NBPF9: variants seen among roughly 807,000 people sequenced by gnomAD.
The protein encoded by NBPF9 is NBPF family member NBPF9.
A neutral mutation model predicts 97.8 loss-of-function variants in NBPF9; 91 were observed. The ratio of observed to expected loss-of-function variants is 0.93; its 90% CI spans 0.79 to 1.11. The LOEUF (loss-of-function observed/expected upper bound fraction) is 1.11, where lower values mean the gene tolerates loss of function less well. NBPF9 is among the 50% of genes least tolerant of loss of function. The pLI is 0.00. For missense variants in NBPF9, 992 were observed against 939.5 expected (o/e 1.06, Z -0.73); for synonymous variants, 334 against 359.5 (o/e 0.93, Z 0.80).
intron 4 of NBPF9, among the ~76,000 whole-genome samples, chr1:149,098,023 G>A (rs1199453288): frequency 6.6e-5 from 10 of 152,020 alleles, no homozygotes; most frequent in Non-Finnish European, 1.3e-4. Context: ...GCCTTAGCCT[G>A]GGGGATGCAG....
chr1:149,059,467 G>A lies in NBPF9; in HGVS notation c.2585+233C>T, dbSNP rs1157880944. The A allele has an allele frequency of 5.0e-6, 2 of 400,628 alleles. 1 individual carries two copies. Among genetic ancestry groups the A allele is most frequent in the Non-Finnish European group, 9.0e-6 (2 of 222,644 alleles). The allele number at this position is 400,628 out of a possible 1,614,324, so 24.8% of individuals were successfully genotyped here. On this transcript the variant is annotated intron_variant, in intron 25 of 29. Transcript: ENST00000584027. Reference sequence around the variant, plus strand: ...AAATATGCTCAAAATTCGATGCAGTGGCCATGAAAGTACAGCTTTTGAAGT... The same window carrying A: ...AAATATGCTCAAAATTCGATGCAGTAGCCATGAAAGTACAGCTTTTGAAGT...
At chr1:149,064,944 A>C (rs1252219832) in intron 18 of NBPF9, 1 of 533,406 alleles carries the variant, frequency 1.9e-6, no homozygotes, top group Non-Finnish European at 3.3e-6. Context: ...AGCATCAGCT[A>C]TTATGGCTTT....
chr1:149,089,257 G>T lies in NBPF9; in HGVS notation c.-195+1496C>A, dbSNP rs587764744. Among the ~76,000 whole-genome samples, 11 of 152,234 alleles carry T rather than the reference G, an allele frequency of 7.2e-5. No individual in the cohort carries two copies. In the South Asian group the frequency reaches 2.3e-3, roughly 32 times the overall value. ...ATGCATTTCTTAATGCCTTGGTGAG[G>T]AGAATGCCTCTGGGTCTTCCTTGAT... On this transcript the variant is annotated intron_variant, in intron 5 of 29. Transcript: ENST00000584027.
At chr1:149,058,635 C>G (rs782437841) in intron 26 of NBPF9, 1 of 282,978 alleles carries the variant, frequency 3.5e-6, no homozygotes. Flanking sequence ...CCCTTGAGTC[C>G]AAATCATACT....
chr1:149,075,183 C>G (rs587738445), intron 12 of NBPF9, among the ~76,000 whole-genome samples: 5 of 151,862 alleles, frequency 3.3e-5, no homozygotes, highest in Admixed American at 6.6e-5. Context: ...TCTTGAAGCC[C>G]CTCAGAGCAG....
intron 5 of NBPF9, chr1:149,090,547 T>A: frequency 2.0e-6 from 1 of 500,664 alleles, no homozygotes; most frequent in African/African-American, 1.9e-5. Context: ...AATTTAAGCC[T>A]AATGCAATAA....
intron 12 of NBPF9, 100 bp downstream of exon 12, chr1:149,075,555 G>A (rs2079787329): frequency 7.1e-7 from 1 of 1,406,664 alleles, no homozygotes; most frequent in Non-Finnish European, 1.0e-6. Flanking sequence ...AGAAGTATGG[G>A]GAGGATGACA....
downstream of NBPF9, among the ~76,000 whole-genome samples, chr1:149,052,238 T>C (rs868936215): frequency 3.3e-5 from 5 of 152,022 alleles, no homozygotes; most frequent in South Asian, 8.3e-4. Context: ...AAGAAAACAT[T>C]GATAAATTCG....
At position 149,059,734 on chromosome 1, in the gene NBPF9, C is replaced by T. The variant is rs1407306553; in HGVS notation, c.2551G>A (p.Glu851Lys). The change falls in exon 25 of 30, where the codon GAA becomes AAA. Residue 851 changes from glutamate (E) to lysine (K), a missense_variant. By Grantham distance (56) the Glu-to-Lys change is moderately conservative. This residue lies in a region of NBPF9 where 397 missense variants were observed against 213.6 expected (regional missense o/e 1.86). Transcript: ENST00000584027. Reference sequence around the variant, plus strand: ...GGTGGGTTTTGATTTTCTTCCCCTTCTTTTCTTCCCCTTCTTCTTTTCTTC... The same window carrying T: ...GGTGGGTTTTGATTTTCTTCCCCTTTTTTTCTTCCCCTTCTTCTTTTCTTC... 4 of 587,400 alleles carry T rather than the reference C, an allele frequency of 6.8e-6. No individual in the cohort carries two copies. The African/African-American group carries it at 1.0e-4, about 15-fold the overall frequency. The allele number at this position is 587,400 out of a possible 1,614,324, so 36.4% of individuals were successfully genotyped here. A position where few individuals can be genotyped will look rare whatever the true frequency, so the allele number is the denominator to read the frequency against.
exon 30 of NBPF9, chr1:149,055,651 G>A (rs782820630): frequency 9.9e-6 from 16 of 1,611,822 alleles, no homozygotes; most frequent in Non-Finnish European, 1.3e-5. Context: ...CTTAGTAAGG[G>A]CTGCTTATTG....
At chr1:149,077,833 C>T (rs587670157) in intron 10 of NBPF9, 50 bp downstream of exon 10, 3 of 1,596,724 alleles carry the variant, frequency 1.9e-6, no homozygotes, top group East Asian at 2.2e-5. Context: ...GCCTCCTAGA[C>T]ATCTTCATAT....
At chr1:149,075,070 A>G (rs1430834796) in intron 12 of NBPF9, among the ~76,000 whole-genome samples, 2 of 151,344 alleles carry the variant, frequency 1.3e-5, no homozygotes, top group Admixed American at 6.6e-5. Context: ...TCAGCCTCCC[A>G]AAGTGCTGGG....
At chr1:149,064,214 G>C (rs112939822) in intron 19 of NBPF9, among the ~76,000 whole-genome samples, 1 of 139,868 alleles carries the variant, frequency 7.1e-6, no homozygotes, top group Admixed American at 7.2e-5. Context: ...AGCTTTTGAG[G>C]TATGGTCAAC....
At chr1:149,053,246 TC>T (rs1375486108), downstream of NBPF9, among the ~76,000 whole-genome samples, 61 of 41,062 alleles carry the variant, frequency 1.5e-3, no homozygotes, top group African/African-American at 5.0e-3. Context: ...CATGGAAGTA[TC>T]CTCTGGAGAC....
chr1:149,084,066 C>T (rs1453803517), intron 5 of NBPF9, among the ~76,000 whole-genome samples: 85 of 150,874 alleles, frequency 5.6e-4, no homozygotes, highest in African/African-American at 2.0e-3. Context: ...AGCGGCGGTG[C>T]GAGCATGTTC....
At chr1:149,073,140 C>T (rs2079555034) in intron 13 of NBPF9, among the ~76,000 whole-genome samples, 1 of 148,872 alleles carries the variant, frequency 6.7e-6, no homozygotes, top group Non-Finnish European at 1.5e-5. Flanking sequence ...CTGCAAGATC[C>T]TCGATGATGT....
chr1:149,099,655 A>G (rs2082016145), intron 3 of NBPF9, among the ~76,000 whole-genome samples: 2 of 152,356 alleles, frequency 1.3e-5, no homozygotes, highest in South Asian at 4.1e-4. Context: ...AAGAGATTTT[A>G]GTAAATCTTT....
At chr1:149,097,185 G>T (rs1471588530) in intron 4 of NBPF9, among the ~76,000 whole-genome samples, 8 of 151,492 alleles carry the variant, frequency 5.3e-5, no homozygotes, top group Non-Finnish European at 8.8e-5. Context: ...AGGGAGAGAA[G>T]TAGGGAAGGA....
At chr1:149,070,345 A>T (rs1420756828) in intron 16 of NBPF9, among the ~76,000 whole-genome samples, 3 of 124,786 alleles carry the variant, frequency 2.4e-5, no homozygotes, top group East Asian at 4.8e-4. Context: ...AAAAAAAAAA[A>T]TCCACGATGC....
Sources: allele counts gnomAD v4.1 joint callset (sites outside exome capture counted in the v4.1 genomes callset), GRCh38; gene constraint gnomAD v4.1.1; regional missense constraint gnomAD v4.1.1; transcripts MANE v1.5; gene names NCBI Gene and HGNC (gene_info 2026-07-23, HGNC 2026-07-21).